The following ADCY2 variants were observed in gnomAD, a reference collection of about 807,000 sequenced individuals.
ADCY2 encodes adenylate cyclase type 2.
Under a neutral mutation model 125.2 loss-of-function variants are expected in ADCY2, and 31 were observed. The ratio of observed to expected loss-of-function variants is 0.25; its 90% CI spans 0.19 to 0.33. ADCY2 has a LOEUF of 0.33. Ranked by LOEUF, ADCY2 falls within the 10% of genes least tolerant of loss-of-function variation. The pLI, the probability that ADCY2 is intolerant of heterozygous loss-of-function variation, is 1.00. For missense variants in ADCY2, 904 were observed against 1,418.2 expected (o/e 0.64, Z 5.82); for synonymous variants, 512 against 548.4 (o/e 0.93, Z 0.93).
At position 7,811,222 on chromosome 5, in the gene ADCY2, G is replaced by C. The variant is rs191080079; in HGVS notation, c.2884-5644G>C. Among the ~76,000 whole-genome samples the C allele has an allele frequency of 1.5e-3, 235 of 152,290 alleles. 2 individuals carry two copies. Among genetic ancestry groups the C allele is most frequent in the African/African-American group, 5.1e-3 (213 of 41,562 alleles). ...TGCTTCTATTCTTAAAAACATCTGG[G>C]CCGGGCGCAGTGGCTCACGCCTGTA... is the stretch of plus-strand genomic sequence containing the variant. On this transcript the variant is annotated intron_variant, in intron 22 of 24. Coordinates refer to ENST00000338316, the MANE Select transcript of ADCY2 (RefSeq NM_020546.3).
intron 3 of ADCY2, among the ~76,000 whole-genome samples, chr5:7,558,715 T>G (rs1482052314): frequency 6.6e-6 from 1 of 152,238 alleles, no homozygotes; most frequent in African/African-American, 2.4e-5. Flanking sequence ...TTTTTGCTTC[T>G]GTTGTGATTG....
chr5:7,594,057 T>C (rs1159330931), intron 3 of ADCY2, among the ~76,000 whole-genome samples: 2 of 152,124 alleles, frequency 1.3e-5, no homozygotes, highest in African/African-American at 4.8e-5. Flanking sequence ...GGGAAGTGTG[T>C]TAAAGGCGCT....
At chr5:7,746,931 A>G (rs1742644056) in intron 15 of ADCY2, among the ~76,000 whole-genome samples, 2 of 152,024 alleles carry the variant, frequency 1.3e-5, no homozygotes, top group Admixed American at 6.6e-5. Context: ...TTGTTTTACA[A>G]CTGGCCTTGA....
intron 3 of ADCY2, among the ~76,000 whole-genome samples, chr5:7,608,634 A>C (rs1440884386): frequency 2.0e-5 from 3 of 152,220 alleles, no homozygotes; most frequent in Non-Finnish European, 4.4e-5. Flanking sequence ...TTTTTCTATT[A>C]GACTCCCTCC....
At chr5:7,603,651 G>C (rs1737292318) in intron 3 of ADCY2, among the ~76,000 whole-genome samples, 1 of 152,118 alleles carries the variant, frequency 6.6e-6, no homozygotes, top group African/African-American at 2.4e-5. Context: ...ATATGTAGGA[G>C]CATACCCACA....
At chr5:7,500,799 G>GA (rs138475111) in intron 2 of ADCY2, among the ~76,000 whole-genome samples, 26,614 of 152,074 alleles carry the variant, frequency 0.18, 2,489 homozygotes, top group African/African-American at 0.2. Context: ...AAAGTGAATG[G>GA]AAAAACATGG....
chr5:7,668,736 AG>A (rs2126701848), intron 4 of ADCY2, among the ~76,000 whole-genome samples: 1 of 152,312 alleles, frequency 6.6e-6, no homozygotes, highest in Non-Finnish European at 1.5e-5. Context: ...TGTCAGACAA[AG>A]GTTTTCTTGT....
intron 4 of ADCY2, among the ~76,000 whole-genome samples, chr5:7,677,043 G>A (rs2914308): frequency 0.17 from 25,318 of 152,054 alleles, 2,403 homozygotes; most frequent in Admixed American, 0.33. Flanking sequence ...TTGGGAGGCC[G>A]AGGCAGGCGG....
intron 2 of ADCY2, among the ~76,000 whole-genome samples, chr5:7,492,007 G>A (rs902387654): frequency 1.3e-5 from 2 of 152,240 alleles, no homozygotes; most frequent in East Asian, 3.8e-4. Flanking sequence ...TGCCCTGAAA[G>A]AGCACAGGTG....
At chr5:7,456,265 T>G (rs9313192) in intron 2 of ADCY2, among the ~76,000 whole-genome samples, 16,062 of 152,216 alleles carry the variant, frequency 0.11, 1,626 homozygotes, top group African/African-American at 0.27. Flanking sequence ...TGGTATTGAT[T>G]TAAATGAAAT....
intron 2 of ADCY2, among the ~76,000 whole-genome samples, chr5:7,513,639 A>G (rs1744158198): frequency 6.6e-6 from 1 of 152,204 alleles, no homozygotes; most frequent in Admixed American, 6.5e-5. Flanking sequence ...AATATGTTTA[A>G]GAATTCTAAA....
intron 22 of ADCY2, among the ~76,000 whole-genome samples, chr5:7,813,465 A>T (rs952580764): frequency 1.6e-4 from 24 of 152,262 alleles, no homozygotes; most frequent in African/African-American, 5.8e-4. Context: ...CAACCAGTTT[A>T]TAAAATATGT....
At chr5:7,412,695 A>T (rs913889184) in intron 1 of ADCY2, among the ~76,000 whole-genome samples, 5 of 152,240 alleles carry the variant, frequency 3.3e-5, no homozygotes, top group African/African-American at 1.2e-4. Context: ...TCTTTCGGCC[A>T]CGGCAACAAC....
chr5:7,493,953 G>C (rs371680926), intron 2 of ADCY2, among the ~76,000 whole-genome samples: 1 of 152,032 alleles, frequency 6.6e-6, no homozygotes, highest in Non-Finnish European at 1.5e-5. Context: ...CTCTCTCCCC[G>C]GTCCCGGTGG....
chr5:7,581,057 G>C (rs1018753716), intron 3 of ADCY2, among the ~76,000 whole-genome samples: 8 of 152,190 alleles, frequency 5.3e-5, no homozygotes, highest in South Asian at 2.1e-4. Context: ...GACGTGAACT[G>C]TATGAGAAAG....
chr5:7,556,289 C>G (rs796908540), intron 3 of ADCY2, among the ~76,000 whole-genome samples: 62 of 152,202 alleles, frequency 4.1e-4, no homozygotes, highest in African/African-American at 1.4e-3. Context: ...CATTATGTCC[C>G]TAGAACTGCT....
intron 2 of ADCY2, among the ~76,000 whole-genome samples, chr5:7,493,170 T>C (rs1274600157): frequency 6.6e-6 from 1 of 151,954 alleles, no homozygotes; most frequent in Non-Finnish European, 1.5e-5. Flanking sequence ...GTAAGAGGTA[T>C]GGGAGGAAAG....
intron 3 of ADCY2, among the ~76,000 whole-genome samples, chr5:7,610,201 A>G (rs1309889999): frequency 6.6e-6 from 1 of 152,222 alleles, no homozygotes; most frequent in Non-Finnish European, 1.5e-5. Context: ...GAAGTTAGGT[A>G]TATGGATGAT....
intron 3 of ADCY2, among the ~76,000 whole-genome samples, chr5:7,586,575 G>A (rs528878798): frequency 2.6e-4 from 40 of 152,048 alleles, no homozygotes; most frequent in African/African-American, 8.7e-4. Flanking sequence ...CTTCATTTTC[G>A]AATAGGAGAC....
Sources: allele counts gnomAD v4.1 joint callset (sites outside exome capture counted in the v4.1 genomes callset), GRCh38; gene constraint gnomAD v4.1.1; transcripts MANE v1.5; gene names NCBI Gene and HGNC (gene_info 2026-07-23, HGNC 2026-07-21).